Variants in DPF3 observed in about 807,000 individuals in gnomAD.
DPF3 encodes the protein double PHD fingers 3.
DPF3 carries 18 observed loss-of-function variants against 56.8 expected under a neutral mutation model. That is an observed-to-expected ratio of 0.32 (90% CI 0.22 to 0.47). The LOEUF (loss-of-function observed/expected upper bound fraction) is 0.47, where lower values mean the gene tolerates loss of function less well. Among genes scored for constraint, DPF3 ranks in the 20% least tolerant of loss-of-function variants. DPF3 has a pLI of 1.00. For missense variants in DPF3, 403 were observed against 488.8 expected (o/e 0.82, Z 1.65); for synonymous variants, 188 against 180.2 (o/e 1.04, Z -0.35).
At chr14:72,875,995 G>A (rs576280996) in intron 1 of DPF3, among the ~76,000 whole-genome samples, 4 of 152,314 alleles carry the variant, frequency 2.6e-5, no homozygotes, top group African/African-American at 9.6e-5. Flanking sequence ...TTCCTCCTTG[G>A]ATTGGATTTA....
At chr14:72,676,536 T>C (rs2153571008) in intron 7 of DPF3, among the ~76,000 whole-genome samples, 1 of 152,324 alleles carries the variant, frequency 6.6e-6, no homozygotes, top group African/African-American at 2.4e-5. Context: ...CCAAATCTCA[T>C]CTTGAATTGC....
At chr14:72,840,131 G>A (rs748088821) in intron 1 of DPF3, among the ~76,000 whole-genome samples, 3 of 152,160 alleles carry the variant, frequency 2.0e-5, no homozygotes, top group Non-Finnish European at 4.4e-5. Context: ...TTATTGATTT[G>A]CCAAATGCAG....
chr14:72,804,608 GGTTT>G (rs777536860), intron 1 of DPF3, among the ~76,000 whole-genome samples: 52 of 152,146 alleles, frequency 3.4e-4, no homozygotes, highest in Non-Finnish European at 7.4e-4. Context: ...TGAGAGGTTG[GGTTT>G]GTTTGTGTTT....
intron 1 of DPF3, among the ~76,000 whole-genome samples, chr14:72,875,014 C>A (rs1208745289): frequency 6.6e-6 from 1 of 152,170 alleles, no homozygotes; most frequent in Non-Finnish European, 1.5e-5. Flanking sequence ...GTGAAAGACA[C>A]TTCTTATATG....
chr14:72,882,802 C>T (rs951923730), intron 1 of DPF3, among the ~76,000 whole-genome samples: 7 of 151,862 alleles, frequency 4.6e-5, no homozygotes, highest in African/African-American at 1.7e-4. Flanking sequence ...TGCCGCCCCT[C>T]TCCCCACTCC....
At chr14:72,857,258 C>T (rs1026278518) in intron 1 of DPF3, among the ~76,000 whole-genome samples, 4 of 152,148 alleles carry the variant, frequency 2.6e-5, no homozygotes, top group Non-Finnish European at 1.5e-5. Flanking sequence ...GAAGCTGACA[C>T]AATCAGCTGC....
At chr14:72,878,921 C>A (rs888126484) in intron 1 of DPF3, among the ~76,000 whole-genome samples, 1 of 152,242 alleles carries the variant, frequency 6.6e-6, no homozygotes, top group African/African-American at 2.4e-5. Context: ...AGGAATTCTG[C>A]CTTTTTCAGA....
intron 1 of DPF3, among the ~76,000 whole-genome samples, chr14:72,773,541 G>A (rs530525108): frequency 1.6e-4 from 25 of 152,212 alleles, no homozygotes; most frequent in Non-Finnish European, 3.5e-4. Context: ...ACTGTTGTAC[G>A]ACCACCACTA....
intron 1 of DPF3, chr14:72,836,351 G>A: frequency 1.0e-6 from 1 of 985,514 alleles, no homozygotes; most frequent in Non-Finnish European, 1.2e-6. Flanking sequence ...GCTTCCAGGT[G>A]GCACACCAGC....
intron 1 of DPF3, among the ~76,000 whole-genome samples, chr14:72,874,592 T>C (rs1437429611): frequency 6.6e-6 from 1 of 152,122 alleles, no homozygotes; most frequent in African/African-American, 2.4e-5. Flanking sequence ...GGGGGCAAAA[T>C]GCCGCCAGTC....
chr14:72,797,903 G>T (rs1892703527), intron 1 of DPF3, among the ~76,000 whole-genome samples: 1 of 152,098 alleles, frequency 6.6e-6, no homozygotes, highest in South Asian at 2.1e-4. Context: ...CAACCTCACA[G>T]GGTTGTTGTA....
At chr14:72,702,875 C>A (rs1413498160) in intron 6 of DPF3, among the ~76,000 whole-genome samples, 1 of 151,790 alleles carries the variant, frequency 6.6e-6, no homozygotes, top group Non-Finnish European at 1.5e-5. Context: ...AGGTGGGCTT[C>A]TCCTCCCTCC....
At chr14:72,750,902 A>C (rs1890546159) in intron 3 of DPF3, among the ~76,000 whole-genome samples, 1 of 151,942 alleles carries the variant, frequency 6.6e-6, no homozygotes, top group Admixed American at 6.6e-5. Context: ...ATGTCAAAAT[A>C]TGTGACTGCC....
chr14:72,716,292 T>C (rs1358636449), intron 5 of DPF3, among the ~76,000 whole-genome samples: 1 of 152,112 alleles, frequency 6.6e-6, no homozygotes, highest in Non-Finnish European at 1.5e-5. Flanking sequence ...AGTGACTCTG[T>C]GCCACACTCG....
At chr14:72,893,725 G>A (rs1886870239) in intron 1 of DPF3, among the ~76,000 whole-genome samples, 1 of 149,972 alleles carries the variant, frequency 6.7e-6, no homozygotes, top group African/African-American at 2.4e-5. Context: ...GGACTCCGGG[G>A]ACCGCGCCGT....
chr14:72,885,909 G>A (rs543223919), intron 1 of DPF3, among the ~76,000 whole-genome samples: 9 of 152,328 alleles, frequency 5.9e-5, no homozygotes, highest in African/African-American at 1.9e-4. Flanking sequence ...AACAAACATT[G>A]AAGACATTAT....
chr14:72,874,567 G>T (rs1829759898), intron 1 of DPF3, among the ~76,000 whole-genome samples: 3 of 152,108 alleles, frequency 2.0e-5, no homozygotes, highest in African/African-American at 7.2e-5. Context: ...AATCTCTAGG[G>T]GAGTCTCTAG....
intron 9 of DPF3, 103 bp downstream of exon 9, chr14:72,629,521 G>A: frequency 8.9e-7 from 1 of 1,129,742 alleles, no homozygotes; most frequent in South Asian, 1.4e-5. Flanking sequence ...CAGGGTAACA[G>A]GCCCCAGGGG....
At chr14:72,834,738 T>C (rs975519396) in intron 1 of DPF3, among the ~76,000 whole-genome samples, 10 of 152,202 alleles carry the variant, frequency 6.6e-5, no homozygotes, top group Non-Finnish European at 1.3e-4. Flanking sequence ...ACGCCAAGAC[T>C]TGTACATGAA....
Sources: allele counts gnomAD v4.1 joint callset (sites outside exome capture counted in the v4.1 genomes callset), GRCh38; gene constraint gnomAD v4.1.1; transcripts MANE v1.5; gene names NCBI Gene and HGNC (gene_info 2026-07-23, HGNC 2026-07-21).